TMOD3: variants seen among roughly 807,000 people sequenced by gnomAD.
TMOD3 encodes the protein tropomodulin-3.
A neutral mutation model predicts 39.2 loss-of-function variants in TMOD3; 20 were observed. The observed-to-expected ratio is 0.51, with a 90% CI of 0.36 to 0.74. The LOEUF (loss-of-function observed/expected upper bound fraction) is 0.74. Ranked by LOEUF, TMOD3 falls within the 30% of genes least tolerant of loss-of-function variation. TMOD3 has a pLI of 0.00. For missense variants in TMOD3, 381 were observed against 412.8 expected, an observed-to-expected ratio of 0.92 and a Z score of 0.67; for synonymous variants, 143 against 145.8, an observed-to-expected ratio of 0.98 and a Z score of 0.14.
At chr15:51,908,340 G>A (rs2141712996) in intron 9 of TMOD3, among the ~76,000 whole-genome samples, 1 of 152,328 alleles carries the variant, frequency 6.6e-6, no homozygotes, top group East Asian at 1.9e-4. Context: ...TTGGGATGCT[G>A]AGGCGGGCAG....
At chr15:51,860,755 G>A (rs765060578) in intron 1 of TMOD3, 10 of 371,302 alleles carry the variant, frequency 2.7e-5, no homozygotes, top group East Asian at 6.9e-5. Context: ...GACCAACAAG[G>A]TGAAACCCCG....
chr15:51,882,512 C>CAA (rs1167555889), intron 3 of TMOD3, among the ~76,000 whole-genome samples: 1 of 151,972 alleles, frequency 6.6e-6, no homozygotes, highest in Non-Finnish European at 1.5e-5. Context: ...AGAAAAAAAC[C>CAA]AAAAACAAAA....
At chr15:51,880,089 A>G (rs1394289068) in intron 3 of TMOD3, among the ~76,000 whole-genome samples, 1 of 152,202 alleles carries the variant, frequency 6.6e-6, no homozygotes, top group Non-Finnish European at 1.5e-5. Context: ...ATACATGTTT[A>G]GAAAGGTATT....
intron 3 of TMOD3, among the ~76,000 whole-genome samples, chr15:51,887,246 CTG>C (rs1167389109): frequency 8.2e-6 from 1 of 121,968 alleles, no homozygotes; most frequent in Non-Finnish European, 1.9e-5. Flanking sequence ...AAATTGGATT[CTG>C]TTTTTTTTTT....
Position 51,862,756 on chromosome 15 carries a change from T to G in TMOD3, c.-74-55T>G, listed in dbSNP as rs1041477305. On this transcript the variant is annotated intron_variant, in intron 1 of 9. Coordinates refer to ENST00000308580, the MANE Select transcript of TMOD3 (RefSeq NM_014547.5). Reference sequence around the variant, plus strand: ...TTTCACTTAACCTGAGAATTAGATCTAAGTAGGTGGAGATGACTTACTATT... The same window carrying G: ...TTTCACTTAACCTGAGAATTAGATCGAAGTAGGTGGAGATGACTTACTATT... 3 of 793,168 alleles carry G rather than the reference T, an allele frequency of 3.8e-6. No individual in the cohort carries two copies. In the South Asian group the frequency reaches 7.8e-5, roughly 21 times the overall value. 49.1% of individuals were successfully genotyped at this position (793,168 alleles called of 1,614,324 possible). A position where few individuals can be genotyped will look rare whatever the true frequency, so the allele number is the denominator to read the frequency against.
rs965746811 is a variant in TMOD3, at chr15:51,862,928, T to C, written c.44T>C (p.Leu15Pro). The change falls in exon 2 of 10, where the codon CTT becomes CCT. Residue 15 changes from leucine to proline, a missense_variant. Physicochemically the swap from Leu to Pro is moderately conservative, Grantham distance 98. Coordinates refer to ENST00000308580, the MANE Select transcript of TMOD3 (RefSeq NM_014547.5). Reference sequence around the variant, plus strand: ...AAGGACTTAGAAAAGTACAAAGACCTTGATGAAGATGAGCTCCTTGGGAAT... The same window carrying C: ...AAGGACTTAGAAAAGTACAAAGACCCTGATGAAGATGAGCTCCTTGGGAAT... ...FRKDLEKYKDLDEDELLGNLS... is the reference protein window; with the variant it reads ...FRKDLEKYKDPDEDELLGNLS... The C allele has an allele frequency of 6.2e-7, 1 of 1,614,060 alleles. No homozygotes were observed. The highest frequency in any genetic ancestry group is 8.5e-7 in the Non-Finnish European group (1 of 1,179,944).
At chr15:51,878,376 ATGTG>A (rs10586896) in intron 3 of TMOD3, among the ~76,000 whole-genome samples, 13,013 of 147,364 alleles carry the variant, frequency 0.088, 1,153 homozygotes, top group East Asian at 0.5. Context: ...TTTAAAATAT[ATGTG>A]TGTGTGTGTG....
At chr15:51,883,860 C>A (rs2056546871) in intron 3 of TMOD3, among the ~76,000 whole-genome samples, 1 of 152,244 alleles carries the variant, frequency 6.6e-6, no homozygotes, top group Admixed American at 6.5e-5. Flanking sequence ...ATGTAATTAT[C>A]CTGAAATGGC....
chr15:51,850,891 G>A (rs1196634972), intron 1 of TMOD3, among the ~76,000 whole-genome samples: 5 of 152,110 alleles, frequency 3.3e-5, no homozygotes, highest in African/African-American at 4.8e-5. Flanking sequence ...GCGCCACCAC[G>A]CTCAGTTAAT....
At chr15:51,902,075 C>T in intron 9 of TMOD3, 39 bp downstream of exon 9, 1 of 1,606,602 alleles carries the variant, frequency 6.2e-7, no homozygotes, top group East Asian at 2.2e-5. Flanking sequence ...AGTTCTATCA[C>T]AAGCTAACGT....
At chr15:51,905,976 A>AAT (rs2056678316) in intron 9 of TMOD3, among the ~76,000 whole-genome samples, 1 of 148,430 alleles carries the variant, frequency 6.7e-6, no homozygotes, top group African/African-American at 2.5e-5. Context: ...AAAAAAAAAA[A>AAT]AAAAGAAATT....
chr15:51,904,721 A>G (rs1383971300), intron 9 of TMOD3, among the ~76,000 whole-genome samples: 3 of 152,198 alleles, frequency 2.0e-5, no homozygotes, highest in Admixed American at 1.3e-4. Context: ...CATTTCTGTA[A>G]GAAAAGAAAT....
intron 3 of TMOD3, among the ~76,000 whole-genome samples, chr15:51,869,729 T>C (rs180698942): frequency 6.6e-6 from 1 of 152,298 alleles, no homozygotes; most frequent in Non-Finnish European, 1.5e-5. Flanking sequence ...TTCTTTAAAG[T>C]GGAATGCCAT....
At chr15:51,886,630 C>T (rs1045467440) in intron 3 of TMOD3, among the ~76,000 whole-genome samples, 9 of 151,780 alleles carry the variant, frequency 5.9e-5, no homozygotes, top group Non-Finnish European at 1.3e-4. Flanking sequence ...AGTCCAGCCT[C>T]GGCTGGGCAT....
At chr15:51,857,328 CTT>C (rs1304647761) in intron 1 of TMOD3, among the ~76,000 whole-genome samples, 1 of 152,168 alleles carries the variant, frequency 6.6e-6, no homozygotes, top group Non-Finnish European at 1.5e-5. Context: ...AATGTTTTCT[CTT>C]TTATGCTGGG....
chr15:51,903,529 C>T (rs1268719346), intron 9 of TMOD3, among the ~76,000 whole-genome samples: 1 of 152,208 alleles, frequency 6.6e-6, no homozygotes, highest in Non-Finnish European at 1.5e-5. Flanking sequence ...AAAATATTAG[C>T]TCAAACTCTT....
chr15:51,874,210 A>C (rs1595900894), intron 3 of TMOD3, among the ~76,000 whole-genome samples: 1 of 152,224 alleles, frequency 6.6e-6, no homozygotes, highest in Non-Finnish European at 1.5e-5. Flanking sequence ...TGTTTTTTAG[A>C]AACCTGATAG....
At chr15:51,899,511 C>A (rs562319036) in intron 7 of TMOD3, among the ~76,000 whole-genome samples, 19 of 151,654 alleles carry the variant, frequency 1.3e-4, no homozygotes, top group African/African-American at 4.4e-4. Flanking sequence ...ACAAAAAATA[C>A]AAAAATTAGC....
intron 9 of TMOD3, 140 bp from the exon 10 acceptor site, chr15:51,908,632 TAGTG>T (rs2056694274): frequency 2.2e-6 from 1 of 449,740 alleles, no homozygotes; most frequent in Admixed American, 4.4e-5. Context: ...TTTTTTTAAT[TAGTG>T]GTCATGTGAA....
Sources: allele counts gnomAD v4.1 joint callset (sites outside exome capture counted in the v4.1 genomes callset), GRCh38; gene constraint gnomAD v4.1.1; transcripts MANE v1.5; gene names NCBI Gene and HGNC (gene_info 2026-07-23, HGNC 2026-07-21).